CACNA1E: variants seen among roughly 807,000 people sequenced by gnomAD.
CACNA1E encodes voltage-dependent R-type calcium channel subunit alpha-1E.
Under a neutral mutation model 259.2 loss-of-function variants are expected in CACNA1E, and 40 were observed. The observed-to-expected ratio is 0.15, with a 90% CI of 0.12 to 0.20. The LOEUF (loss-of-function observed/expected upper bound fraction) is 0.20. Among genes scored for constraint, CACNA1E ranks in the 10% least tolerant of loss-of-function variants. CACNA1E has a pLI of 1.00. For synonymous variants in CACNA1E, 1,104 were observed against 1,138.5 expected, an observed-to-expected ratio of 0.97 and a Z score of 0.61; for missense variants, 1,874 against 3,040.1, an observed-to-expected ratio of 0.62 and a Z score of 9.02.
rs772107111 is a variant in CACNA1E, at chr1:181,726,157, G to A, written c.2235G>A (p.Ser745=). 26 of 1,609,480 alleles carry A rather than the reference G, an allele frequency of 1.6e-5. No homozygotes were observed. Among genetic ancestry groups the A allele is most frequent in the South Asian group, 1.0e-4 (9 of 90,166 alleles). Residue 745 remains serine (S), a synonymous_variant, in exon 18 of 48, where the codon TCG becomes TCA. Coordinates refer to ENST00000367573, the MANE Select transcript of CACNA1E (RefSeq NM_001205293.3). The part of the protein sequence containing the change: ...VSPMSAPNMP[S]IERDRRRRHH... ...CGATGTCTGCACCCAACATGCCTTC[G>A]ATCGAGTGAGTCAGCTGCCCCCTTC...
intron 3 of CACNA1E, among the ~76,000 whole-genome samples, chr1:181,559,425 G>A (rs1338671062): frequency 2.6e-5 from 4 of 152,166 alleles, no homozygotes; most frequent in African/African-American, 9.7e-5. Flanking sequence ...CTTCGTTTCA[G>A]TAAGGCCTTT....
At chr1:181,700,320 G>A (rs148981289) in intron 7 of CACNA1E, among the ~76,000 whole-genome samples, 37 of 152,308 alleles carry the variant, frequency 2.4e-4, no homozygotes, top group African/African-American at 8.7e-4. Flanking sequence ...AACCTCAGTT[G>A]TTTTAGGTCA....
At chr1:181,593,859 G>A (rs1425813315) in intron 6 of CACNA1E, among the ~76,000 whole-genome samples, 1 of 152,218 alleles carries the variant, frequency 6.6e-6, no homozygotes, top group Admixed American at 6.5e-5. Flanking sequence ...ACCTTTGCAA[G>A]TGTTAGGGTA....
At chr1:181,568,597 T>C (rs1650084599) in intron 3 of CACNA1E, among the ~76,000 whole-genome samples, 1 of 151,768 alleles carries the variant, frequency 6.6e-6, no homozygotes, top group Non-Finnish European at 1.5e-5. Flanking sequence ...CATTCATTCA[T>C]TCATTCATTT....
At chr1:181,611,277 T>G (rs1394478686) in intron 6 of CACNA1E, among the ~76,000 whole-genome samples, 1 of 152,214 alleles carries the variant, frequency 6.6e-6, no homozygotes, top group Non-Finnish European at 1.5e-5. Context: ...CATTGATTCC[T>G]TCATTCATTT....
chr1:181,403,125 G>C (rs946139163), intron 1 of CACNA1E, among the ~76,000 whole-genome samples: 2 of 152,092 alleles, frequency 1.3e-5, no homozygotes, highest in African/African-American at 2.4e-5. Flanking sequence ...TAATGACTGT[G>C]TGATCCTAAC....
chr1:181,437,005 A>G (rs946464088), intron 2 of CACNA1E, among the ~76,000 whole-genome samples: 1 of 152,208 alleles, frequency 6.6e-6, no homozygotes, highest in Non-Finnish European at 1.5e-5. Context: ...ATTAAAATGA[A>G]TTAAAATAAT....
upstream of CACNA1E, among the ~76,000 whole-genome samples, chr1:181,482,419 T>A (rs1037110545): frequency 6.6e-6 from 1 of 152,222 alleles, no homozygotes; most frequent in African/African-American, 2.4e-5. Flanking sequence ...CCTGCCTCTC[T>A]CTTCTCGGCA....
intron 1 of CACNA1E, among the ~76,000 whole-genome samples, chr1:181,409,654 G>C (rs1442487724): frequency 6.6e-6 from 1 of 152,182 alleles, no homozygotes; most frequent in Non-Finnish European, 1.5e-5. Context: ...ATATAGACTG[G>C]CTTGTCTGAA....
intron 6 of CACNA1E, among the ~76,000 whole-genome samples, chr1:181,624,655 A>G (rs578217790): frequency 1.3e-4 from 20 of 152,274 alleles, no homozygotes; most frequent in Admixed American, 1.1e-3. Flanking sequence ...TTTTCACCCC[A>G]TCTGCAGTTA....
intron 3 of CACNA1E, among the ~76,000 whole-genome samples, chr1:181,523,257 C>A (rs1454327198): frequency 6.6e-6 from 1 of 152,202 alleles, no homozygotes; most frequent in African/African-American, 2.4e-5. Flanking sequence ...TCCACTCCCC[C>A]CAGCTGTGAC....
chr1:181,594,332 T>C (rs1652948984), intron 6 of CACNA1E, among the ~76,000 whole-genome samples: 2 of 152,184 alleles, frequency 1.3e-5, no homozygotes, highest in Non-Finnish European at 2.9e-5. Context: ...AGAATGAGTA[T>C]TTTAGAAAAC....
At chr1:181,327,264 A>G (rs1057027454) in intron 1 of CACNA1E, among the ~76,000 whole-genome samples, 9 of 152,138 alleles carry the variant, frequency 5.9e-5, no homozygotes, top group Non-Finnish European at 5.9e-5. Context: ...TGATGGGGTC[A>G]TTGTGCTCGC....
At chr1:181,585,943 G>A (rs1162794456) in intron 6 of CACNA1E, among the ~76,000 whole-genome samples, 1 of 152,180 alleles carries the variant, frequency 6.6e-6, no homozygotes, top group Non-Finnish European at 1.5e-5. Context: ...TTTGAGGAAA[G>A]GAGTGACATG....
chr1:181,429,043 A>T (rs755024100), intron 2 of CACNA1E, among the ~76,000 whole-genome samples: 1 of 152,072 alleles, frequency 6.6e-6, no homozygotes, highest in Non-Finnish European at 1.5e-5. Context: ...TTAGCTGGGC[A>T]TGGTGGCACA....
chr1:181,742,263 A>G (rs1290539946), intron 25 of CACNA1E, among the ~76,000 whole-genome samples: 1 of 152,136 alleles, frequency 6.6e-6, no homozygotes, highest in Non-Finnish European at 1.5e-5. Context: ...CAGCAGAGAG[A>G]GGGCCTGGCC....
intron 43 of CACNA1E, among the ~76,000 whole-genome samples, chr1:181,790,053 A>AT (rs1661164208): frequency 2.6e-5 from 4 of 152,178 alleles, no homozygotes; most frequent in Admixed American, 2.6e-4. Flanking sequence ...GAAAATTTTT[A>AT]AAAAGTCCAT....
chr1:181,769,132 G>T (rs1261623600), intron 35 of CACNA1E, among the ~76,000 whole-genome samples: 2 of 152,124 alleles, frequency 1.3e-5, no homozygotes, highest in East Asian at 3.9e-4. Context: ...TGAAGTCACT[G>T]TATCTCTCTT....
intron 17 of CACNA1E, 67 bp downstream of exon 17, chr1:181,724,604 C>T: frequency 7.7e-7 from 1 of 1,306,558 alleles, no homozygotes. Context: ...GCCTTTGGAA[C>T]TCTCTCCCAA....
Sources: gnomAD v4.1 joint callset for allele counts (sites outside exome capture counted in the v4.1 genomes callset) on GRCh38, gnomAD v4.1.1 for gene constraint, MANE v1.5 for transcripts, NCBI Gene and HGNC (gene_info 2026-07-23, HGNC 2026-07-21) for gene names.